Variants in ZNF521 observed in about 807,000 individuals in gnomAD.
ZNF521 encodes zinc finger protein 521.
ZNF521 carries 14 observed loss-of-function variants against 105.5 expected under a neutral mutation model. The ratio of observed to expected loss-of-function variants is 0.13; its 90% CI spans 0.09 to 0.21. The LOEUF is 0.21. Ranked by LOEUF, ZNF521 falls within the 10% of genes least tolerant of loss-of-function variation. The pLI, the probability that ZNF521 is intolerant of heterozygous loss-of-function variation, is 1.00. For synonymous variants in ZNF521, 635 were observed against 606.0 expected (o/e 1.05, Z -0.70); for missense variants, 1,233 against 1,629.7 (o/e 0.76, Z 4.19).
chr18:25,349,916 C>G (rs1267290155), intron 2 of ZNF521, among the ~76,000 whole-genome samples: 1 of 151,506 alleles, frequency 6.6e-6, no homozygotes, highest in Non-Finnish European at 1.5e-5. Flanking sequence ...CTCCTCCGGC[C>G]CTCGCGCTCC....
Position 25,352,089 on chromosome 18 carries a change from G to T in ZNF521, c.-86C>A. The T allele has an allele frequency of 2.1e-6, 1 of 486,110 alleles. No homozygotes were observed. Among genetic ancestry groups the T allele is most frequent in the South Asian group, 1.5e-5 (1 of 67,302 alleles). The allele number at this position is 486,110 out of a possible 1,614,324, so 30.1% of individuals were successfully genotyped here. ...GCAAGGCCCCCAAAGCCATCAGGAT[G>T]GCTCCAGAGGGGGCCCCTAACCCGC... On this transcript the variant is annotated 5_prime_UTR_variant, in exon 1 of 8. Transcript: ENST00000361524.
chr18:25,180,213 T>A (rs753208434), intron 5 of ZNF521, among the ~76,000 whole-genome samples: 1 of 152,230 alleles, frequency 6.6e-6, no homozygotes, highest in Non-Finnish European at 1.5e-5. Context: ...TATAAGATAA[T>A]GTATCCTTAA....
chr18:25,262,871 G>A (rs1431806721), intron 3 of ZNF521, among the ~76,000 whole-genome samples: 1 of 152,164 alleles, frequency 6.6e-6, no homozygotes, highest in Non-Finnish European at 1.5e-5. Flanking sequence ...GAATCAGGAG[G>A]TAGAAAGGGG....
intron 7 of ZNF521, among the ~76,000 whole-genome samples, chr18:25,065,906 C>T (rs1042681067): frequency 3.3e-5 from 5 of 152,196 alleles, no homozygotes; most frequent in African/African-American, 7.2e-5. Context: ...AATACACATA[C>T]ATCACTTACT....
intron 5 of ZNF521, among the ~76,000 whole-genome samples, chr18:25,117,542 C>G (rs1289272750): frequency 6.6e-6 from 1 of 152,002 alleles, no homozygotes; most frequent in Non-Finnish European, 1.5e-5. Flanking sequence ...ATATATTCTT[C>G]ATGAATGAAA....
At chr18:25,345,729 G>C (rs1467514601) in intron 2 of ZNF521, among the ~76,000 whole-genome samples, 1 of 152,032 alleles carries the variant, frequency 6.6e-6, no homozygotes, top group Non-Finnish European at 1.5e-5. Flanking sequence ...TCTACTGATT[G>C]GACTATAATG....
chr18:25,344,098 A>C (rs1436351094), intron 2 of ZNF521, among the ~76,000 whole-genome samples: 1 of 151,796 alleles, frequency 6.6e-6, no homozygotes, highest in Non-Finnish European at 1.5e-5. Flanking sequence ...ATCTTACTGA[A>C]TTTCTTTCAT....
intron 3 of ZNF521, among the ~76,000 whole-genome samples, chr18:25,290,972 A>G (rs1474082065): frequency 6.6e-6 from 1 of 152,164 alleles, no homozygotes; most frequent in Non-Finnish European, 1.5e-5. Context: ...CCAAAATTTG[A>G]TTTAGACGAA....
chr18:25,320,798 A>C (rs887934945), intron 3 of ZNF521, among the ~76,000 whole-genome samples: 1 of 152,204 alleles, frequency 6.6e-6, no homozygotes, highest in South Asian at 2.1e-4. Context: ...TGTATGGCCA[A>C]TATTTATATA....
At chr18:25,299,302 A>G (rs574228450) in intron 3 of ZNF521, among the ~76,000 whole-genome samples, 47 of 152,364 alleles carry the variant, frequency 3.1e-4, no homozygotes, top group African/African-American at 1.1e-3. Context: ...ACAAAGTCCA[A>G]TGAAGGAGGG....
chr18:25,129,525 A>G (rs1023348587), intron 5 of ZNF521, among the ~76,000 whole-genome samples: 1 of 152,044 alleles, frequency 6.6e-6, no homozygotes, highest in South Asian at 2.1e-4. Context: ...GCAAAAGACA[A>G]TATTAGGAGA....
chr18:25,322,369 T>C (rs1912978046), intron 2 of ZNF521, 182 bp from the exon 3 acceptor site: 1 of 749,242 alleles, frequency 1.3e-6, no homozygotes, highest in East Asian at 2.5e-5. Context: ...ATTCAGTTAG[T>C]GACTATCAAA....
At chr18:25,103,647 C>T (rs1342844058) in intron 5 of ZNF521, among the ~76,000 whole-genome samples, 1 of 152,130 alleles carries the variant, frequency 6.6e-6, no homozygotes, top group Non-Finnish European at 1.5e-5. Context: ...CAAGATGTTA[C>T]TGGCATATCA....
At chr18:25,155,712 C>G (rs1449307777) in intron 5 of ZNF521, among the ~76,000 whole-genome samples, 1 of 151,828 alleles carries the variant, frequency 6.6e-6, no homozygotes, top group Non-Finnish European at 1.5e-5. Flanking sequence ...TGTCCTTGTC[C>G]AAAATTAGTT....
Position 25,227,778 on chromosome 18 carries a change from G to A in ZNF521, c.221-81C>T, listed in dbSNP as rs1906270931. The A allele has an allele frequency of 1.1e-5, 13 of 1,144,322 alleles. 1 individual carries two copies. The highest frequency in any genetic ancestry group is 7.7e-5 in the Admixed American group (3 of 39,034). The allele number at this position is 1,144,322 out of a possible 1,614,324, so 70.9% of individuals were successfully genotyped here. Reference sequence around the variant, plus strand: ...TTTACCGTAGCATTTCAACCAGCACGCAGAGTTGGGCCCTCTTGAATCTTT... The same window carrying A: ...TTTACCGTAGCATTTCAACCAGCACACAGAGTTGGGCCCTCTTGAATCTTT... On this transcript the variant is annotated intron_variant, in intron 3 of 7. Coordinates refer to ENST00000361524, the MANE Select transcript of ZNF521 (RefSeq NM_015461.3). The surrounding 1 kb of genome is among the most constrained non-coding windows in gnomAD (Gnocchi z 5.7).
intron 3 of ZNF521, among the ~76,000 whole-genome samples, chr18:25,284,107 G>A (rs1363923589): frequency 6.6e-6 from 1 of 152,152 alleles, no homozygotes; most frequent in African/African-American, 2.4e-5. Context: ...GCTCCCTCCT[G>A]ATAAGGTCAG....
intron 5 of ZNF521, among the ~76,000 whole-genome samples, chr18:25,140,774 GAAGA>G (rs1419440926): frequency 6.6e-6 from 1 of 152,170 alleles, no homozygotes; most frequent in African/African-American, 2.4e-5. Flanking sequence ...TTACATTCCT[GAAGA>G]TTTTTTAGTG....
intron 7 of ZNF521, among the ~76,000 whole-genome samples, chr18:25,076,953 T>C (rs1165827434): frequency 6.6e-6 from 1 of 152,234 alleles, no homozygotes; most frequent in Non-Finnish European, 1.5e-5. Context: ...TCTTTGGGCC[T>C]GTCTGTGGAG....
At chr18:25,296,502 G>A (rs1428689404) in intron 3 of ZNF521, among the ~76,000 whole-genome samples, 7 of 152,142 alleles carry the variant, frequency 4.6e-5, no homozygotes, top group African/African-American at 9.7e-5. Flanking sequence ...CCCCATCGCT[G>A]ACAGTCTTGA....
Sources: allele counts gnomAD v4.1 joint callset (sites outside exome capture counted in the v4.1 genomes callset), GRCh38; gene constraint gnomAD v4.1.1; non-coding constraint Gnocchi (gnomAD v3.1); transcripts MANE v1.5; gene names NCBI Gene and HGNC (gene_info 2026-07-23, HGNC 2026-07-21).